The following KDM4C variants were observed in gnomAD, a reference collection of about 807,000 sequenced individuals.
The protein encoded by KDM4C is lysine-specific demethylase 4C.
A neutral mutation model predicts 129.3 loss-of-function variants in KDM4C; 81 were observed. The observed-to-expected ratio is 0.63, with a 90% confidence interval of 0.52 to 0.75. KDM4C has a LOEUF of 0.75. Ranked by LOEUF, KDM4C falls within the 30% of genes least tolerant of loss-of-function variation. The pLI, the probability that KDM4C is intolerant of heterozygous loss-of-function variation, is 0.00. For missense variants in KDM4C, 1,457 were observed against 1,304.0 expected (o/e 1.12, Z -1.81); for synonymous variants, 573 against 456.1 (o/e 1.26, Z -3.26).
intron 19 of KDM4C, among the ~76,000 whole-genome samples, chr9:7,156,993 T>C (rs1358158735): frequency 1.3e-5 from 2 of 152,244 alleles, no homozygotes; most frequent in African/African-American, 2.4e-5. Flanking sequence ...GAGCATGGAA[T>C]GTTCTTCCAT....
At position 6,908,344 on chromosome 9, in the gene KDM4C, G is replaced by A. The variant is rs147223602; in HGVS notation, c.921+15112G>A. On this transcript the variant is annotated intron_variant, in intron 8 of 21. Transcript: ENST00000381309. ...GTTTAATCTCTACATGTTACTTAGT[G>A]TAGCTGCTGTGCGAAGTGGGTACAG... Among the ~76,000 whole-genome samples, 34 of 152,300 alleles carry A rather than the reference G, an allele frequency of 2.2e-4. No homozygotes were observed. In the East Asian group the frequency reaches 5.0e-3, roughly 22 times the overall value.
In KDM4C at chr9:7,158,767, G is replaced by T. The variant is rs573780102; in HGVS notation, c.2782-6471G>T. On this transcript the variant is annotated intron_variant, in intron 19 of 21. Transcript: ENST00000381309. ...AGGAGTGCTTTACTTCCAACTATGT[G>T]GTCAATTTTAGAATAAGTGCAATGT... is the stretch of plus-strand genomic sequence containing the variant. 5.3e-5 allele frequency among the ~76,000 whole-genome samples: 8 copies of T among 152,262 alleles called. No individual in the cohort carries two copies. The East Asian group carries it at 1.5e-3, about 29-fold the overall frequency.
At chr9:6,974,098 G>C (rs1832512532) in intron 8 of KDM4C, among the ~76,000 whole-genome samples, 1 of 152,096 alleles carries the variant, frequency 6.6e-6, no homozygotes, top group African/African-American at 2.4e-5. Context: ...TACTATCCTT[G>C]TGACATCCAA....
chr9:6,924,571 G>A (rs1159405969), intron 8 of KDM4C, among the ~76,000 whole-genome samples: 1 of 152,062 alleles, frequency 6.6e-6, no homozygotes, highest in Admixed American at 6.5e-5. Flanking sequence ...CTGGCCTGGG[G>A]CACCACTCTG....
At chr9:7,166,823 A>T (rs1449011012) in intron 20 of KDM4C, among the ~76,000 whole-genome samples, 1 of 152,250 alleles carries the variant, frequency 6.6e-6, no homozygotes, top group Non-Finnish European at 1.5e-5. Context: ...ATGGTCTATC[A>T]ACATAAAACT....
At chr9:6,942,719 G>A (rs982556703) in intron 8 of KDM4C, 48 of 152,070 alleles carry the variant, frequency 3.2e-4, no homozygotes, top group African/African-American at 9.7e-4. Context: ...TTAAATTAAG[G>A]CTTTCACGTA....
In KDM4C at chr9:6,740,868, T is replaced by C. The variant is rs115010675; in HGVS notation, c.49+19871T>C. Among the ~76,000 whole-genome samples the C allele has an allele frequency of 9.5e-3, 1,442 of 152,018 alleles. 22 individuals carry two copies. The highest frequency in any genetic ancestry group is 0.033 in the African/African-American group (1,372 of 41,496). ...TTTGAGACGGAGTCTCACTCTGTTGTCCAAGTTGGATTGCAGTGGGAGGAT... is the reference window on the plus strand; with the variant it reads ...TTTGAGACGGAGTCTCACTCTGTTGCCCAAGTTGGATTGCAGTGGGAGGAT... On this transcript the variant is annotated intron_variant, in intron 1 of 17. Transcript: ENST00000536108.
At chr9:6,882,809 C>CGT (rs1300510598) in intron 6 of KDM4C, among the ~76,000 whole-genome samples, 10 of 131,402 alleles carry the variant, frequency 7.6e-5, no homozygotes, top group African/African-American at 1.9e-4. Context: ...TGTGTGTGCG[C>CGT]GTGTGCACGT....
rs1017618543 is a variant in KDM4C, at chr9:6,734,882, C to G, written c.49+13885C>G. On this transcript the variant is annotated intron_variant, in intron 1 of 17. Transcript: ENST00000536108. Reference sequence around the variant, plus strand: ...TTTTGTTTCTTGCACCAATAAGAGACTTCACAATGGAAGGTAGTCCCCAGT... The same window carrying G: ...TTTTGTTTCTTGCACCAATAAGAGAGTTCACAATGGAAGGTAGTCCCCAGT... 1.1e-5 allele frequency: 6 copies of G among 556,938 alleles called. No individual in the cohort carries two copies. In the African/African-American group the frequency reaches 1.1e-4, roughly 11 times the overall value. The allele number at this position is 556,938 out of a possible 1,614,324, so 34.5% of individuals were successfully genotyped here. A position where few individuals can be genotyped will look rare whatever the true frequency, so the allele number is the denominator to read the frequency against.
At chr9:6,730,050 C>G (rs1216257275) in intron 1 of KDM4C, among the ~76,000 whole-genome samples, 1 of 84,616 alleles carries the variant, frequency 1.2e-5, no homozygotes, top group Non-Finnish European at 2.1e-5. Context: ...ATGGAGGCTG[C>G]AGTGGGCCGA....
At chr9:6,757,595 G>A (rs1818435915), upstream of KDM4C, 2 of 981,896 alleles carry the variant, frequency 2.0e-6, no homozygotes, top group African/African-American at 3.5e-5. Flanking sequence ...TACATTCCGA[G>A]GCTCCACCCC....
At chr9:6,780,845 C>A (rs1471208270) in intron 1 of KDM4C, among the ~76,000 whole-genome samples, 1 of 150,532 alleles carries the variant, frequency 6.6e-6, no homozygotes, top group East Asian at 1.9e-4. Context: ...TTTCAGCTCT[C>A]CAGAATGCAG....
At position 7,039,678 on chromosome 9, in the gene KDM4C, CTT is replaced by C. The variant is rs572659702; in HGVS notation, c.2260-7183_2260-7182del. Among the ~76,000 whole-genome samples the C allele has an allele frequency of 1.5e-3, 234 of 152,018 alleles. 2 individuals are homozygous for C. Among genetic ancestry groups the C allele is most frequent in the African/African-American group, 5.1e-3 (213 of 41,494 alleles). On this transcript the variant is annotated intron_variant, in intron 15 of 21. Transcript: ENST00000381309. Reference sequence around the variant, plus strand: ...ATTATATGCTGTATTTTTACAATAACTTATGCTAGGGAAAAGAAAATGTTATT... The same window carrying C: ...ATTATATGCTGTATTTTTACAATAACATGCTAGGGAAAAGAAAATGTTATT...
chr9:7,137,546 T>C (rs926406403), intron 19 of KDM4C, among the ~76,000 whole-genome samples: 1 of 152,226 alleles, frequency 6.6e-6, no homozygotes, highest in Non-Finnish European at 1.5e-5. Flanking sequence ...TATTTTTATC[T>C]CAAATCTAGA....
chr9:6,912,145 T>C (rs1819432463), intron 8 of KDM4C, among the ~76,000 whole-genome samples: 1 of 152,196 alleles, frequency 6.6e-6, no homozygotes, highest in Non-Finnish European at 1.5e-5. Flanking sequence ...CATGGTGCCT[T>C]GCTGTTTCTG....
chr9:6,949,599 G>T, intron 8 of KDM4C, among the ~76,000 whole-genome samples: 1 of 152,218 alleles, frequency 6.6e-6, no homozygotes. Context: ...GGCACCTCGG[G>T]AGGCCGAGGC....
chr9:6,944,503 A>G (rs1355367787), intron 8 of KDM4C, among the ~76,000 whole-genome samples: 1 of 152,228 alleles, frequency 6.6e-6, no homozygotes, highest in Non-Finnish European at 1.5e-5. Flanking sequence ...GTATGATCAA[A>G]TACATGAAAA....
intron 8 of KDM4C, among the ~76,000 whole-genome samples, chr9:6,932,798 C>T (rs1824001130): frequency 6.6e-6 from 1 of 152,186 alleles, no homozygotes; most frequent in African/African-American, 2.4e-5. Flanking sequence ...CCAATGGCAT[C>T]AGCGGCCTCT....
At position 7,147,550 on chromosome 9, in the gene KDM4C, CCAA is replaced by C. The variant is rs1309408481; in HGVS notation, c.2782-17681_2782-17679del. On this transcript the variant is annotated intron_variant, in intron 19 of 21. Coordinates refer to ENST00000381309, the MANE Select transcript of KDM4C (RefSeq NM_015061.6). ...TTCCCCTCATACATTTTAGTCCCTGCCAACAACAATAAAAAAGGGGAGAAAATC... is the reference window on the plus strand; with the variant it reads ...TTCCCCTCATACATTTTAGTCCCTGCCAACAATAAAAAAGGGGAGAAAATC... Among the ~76,000 whole-genome samples, 4 of 152,266 alleles carry C rather than the reference CCAA, an allele frequency of 2.6e-5. No individual in the cohort carries two copies. In the South Asian group the frequency reaches 8.3e-4, roughly 32 times the overall value.
Sources: gnomAD v4.1 joint callset for allele counts (sites outside exome capture counted in the v4.1 genomes callset) on GRCh38, gnomAD v4.1.1 for gene constraint, MANE v1.5 for transcripts, NCBI Gene and HGNC (gene_info 2026-07-23, HGNC 2026-07-21) for gene names.